LRP1B: variants seen among roughly 807,000 people sequenced by gnomAD.
LRP1B encodes the protein low-density lipoprotein receptor-related protein 1B.
A neutral mutation model predicts 556.6 loss-of-function variants in LRP1B; 217 were observed. That is an observed-to-expected ratio of 0.39 (90% CI 0.35 to 0.44). The LOEUF is 0.44. Ranked by LOEUF, LRP1B falls within the 20% of genes least tolerant of loss-of-function variation. The pLI is 1.00. For synonymous variants in LRP1B, 2,047 were observed against 1,865.8 expected, an observed-to-expected ratio of 1.10 and a Z score of -2.50; for missense variants, 5,053 against 5,620.8, an observed-to-expected ratio of 0.90 and a Z score of 3.23.
intron 7 of LRP1B, among the ~76,000 whole-genome samples, chr2:141,090,172 C>A (rs2104908095): frequency 6.6e-6 from 1 of 152,248 alleles, no homozygotes; most frequent in East Asian, 1.9e-4. Flanking sequence ...TACGTTTCAT[C>A]CTTTTTCAGA....
intron 60 of LRP1B, among the ~76,000 whole-genome samples, chr2:140,465,344 C>G (rs1206884427): frequency 1.3e-5 from 2 of 152,094 alleles, no homozygotes; most frequent in African/African-American, 2.4e-5. Context: ...AAAAAATATC[C>G]AAACTGTATC....
chr2:141,480,296 C>T (rs149090935), intron 3 of LRP1B, 100 bp downstream of exon 3: 2 of 1,223,254 alleles, frequency 1.6e-6, no homozygotes, highest in Non-Finnish European at 2.4e-6. Context: ...AACTGATATG[C>T]TTGTAGTTGA....
intron 2 of LRP1B, among the ~76,000 whole-genome samples, chr2:141,532,922 G>T (rs565812687): frequency 6.6e-6 from 1 of 152,184 alleles, no homozygotes; most frequent in South Asian, 2.1e-4. Context: ...GGAGGCAGAG[G>T]TTGCAGTGAG....
At chr2:141,383,673 CT>C (rs1480035301) in intron 3 of LRP1B, among the ~76,000 whole-genome samples, 2 of 152,082 alleles carry the variant, frequency 1.3e-5, no homozygotes, top group African/African-American at 4.8e-5. Context: ...AGTATTCAGG[CT>C]TTAAAAGGCA....
rs1389686881 is a variant in LRP1B, at chr2:141,752,922, T to C, written c.205+57357A>G. Among the ~76,000 whole-genome samples the C allele has an allele frequency of 8.8e-5, 7 of 79,206 alleles. No homozygotes were observed. The Admixed American group carries it at 1.1e-3, about 13-fold the overall frequency. 52.0% of individuals were successfully genotyped at this position (79,206 alleles called of 152,430 possible). ...TCATGCCACTGAACTCCAGCCTGGG[T>C]GACAGACTGAGACCCTGTCTCAGAA... is the stretch of plus-strand genomic sequence containing the variant. On this transcript the variant is annotated intron_variant, in intron 2 of 90. Coordinates refer to ENST00000389484, the MANE Select transcript of LRP1B (RefSeq NM_018557.3).
At chr2:141,888,799 T>G (rs934152860) in intron 1 of LRP1B, among the ~76,000 whole-genome samples, 1 of 151,842 alleles carries the variant, frequency 6.6e-6, no homozygotes, top group Non-Finnish European at 1.5e-5. Flanking sequence ...AGGACAGGAG[T>G]GAAAAATGAG....
intron 23 of LRP1B, among the ~76,000 whole-genome samples, chr2:140,900,883 G>A (rs79870140): frequency 0.039 from 5,955 of 152,156 alleles, 181 homozygotes; most frequent in South Asian, 0.09. Context: ...GAGCCAGCAC[G>A]TCTCAAAGAA....
rs146889089 is a variant in LRP1B, at chr2:140,587,407, T to G, written c.7194+11224A>C. Reference sequence around the variant, plus strand: ...ACCCAAGACGCATCATAATTTAACTTCTGAAATTGTGATTTGTGACAACAT... The same window carrying G: ...ACCCAAGACGCATCATAATTTAACTGCTGAAATTGTGATTTGTGACAACAT... On this transcript the variant is annotated intron_variant, in intron 43 of 90. Coordinates refer to ENST00000389484, the MANE Select transcript of LRP1B (RefSeq NM_018557.3). Among the ~76,000 whole-genome samples, 325 of 152,304 alleles carry G rather than the reference T, an allele frequency of 2.1e-3. 2 individuals are homozygous for G. Among genetic ancestry groups the G allele is most frequent in the African/African-American group, 7.1e-3 (293 of 41,556 alleles).
intron 1 of LRP1B, among the ~76,000 whole-genome samples, chr2:141,986,181 A>C (rs1463340617): frequency 1.3e-5 from 2 of 152,006 alleles, no homozygotes; most frequent in Non-Finnish European, 2.9e-5. Context: ...CTGGAAATGC[A>C]TAGTGATGTG....
At chr2:140,690,036 A>G (rs1047361956) in intron 41 of LRP1B, among the ~76,000 whole-genome samples, 2 of 152,204 alleles carry the variant, frequency 1.3e-5, no homozygotes, top group African/African-American at 4.8e-5. Context: ...CTGAGTTGAA[A>G]GCAATTGAGA....
chr2:141,010,551 G>A (rs955004251), intron 14 of LRP1B, among the ~76,000 whole-genome samples: 5 of 151,370 alleles, frequency 3.3e-5, no homozygotes. Context: ...GTTTTGCTCT[G>A]TAACTCAGGC....
At position 141,538,981 on chromosome 2, in the gene LRP1B, T is replaced by C. The variant is rs138672771; in HGVS notation, c.206-58448A>G. On this transcript the variant is annotated intron_variant, in intron 2 of 90. Transcript: ENST00000389484. ...GGGACAATTGCTCTGGAAATAAGAT[T>C]TCAGTGTGCACACATGTATATATTC... Among the ~76,000 whole-genome samples the C allele has an allele frequency of 2.6e-3, 402 of 152,280 alleles. 2 individuals are homozygous for C. The highest frequency in any genetic ancestry group is 9.3e-3 in the African/African-American group (385 of 41,566).
intron 90 of LRP1B, among the ~76,000 whole-genome samples, chr2:140,233,741 A>G (rs147953001): frequency 6.6e-6 from 1 of 151,426 alleles, no homozygotes; most frequent in African/African-American, 2.4e-5. Context: ...TTTCAGAAAA[A>G]CATTTGTTTG....
At position 141,610,320 on chromosome 2, in the gene LRP1B, TATAATA is replaced by T. The variant is rs200146418; in HGVS notation, c.206-129793_206-129788del. Among the ~76,000 whole-genome samples, 143 of 144,604 alleles carry T rather than the reference TATAATA, an allele frequency of 9.9e-4. 1 individual carries two copies. The highest frequency in any genetic ancestry group is 3.7e-3 in the Middle Eastern group (1 of 270). 94.9% of individuals were successfully genotyped at this position (144,604 alleles called of 152,430 possible). On this transcript the variant is annotated intron_variant, in intron 2 of 90. Transcript: ENST00000389484. ...TATTATTATACTTTAAAACTTAAAG[TATAATA>T]ATAATAATAATAATAATAAAAAGAA...
At chr2:141,670,143 C>A (rs1401694457) in intron 2 of LRP1B, among the ~76,000 whole-genome samples, 3 of 152,102 alleles carry the variant, frequency 2.0e-5, no homozygotes, top group Non-Finnish European at 4.4e-5. Flanking sequence ...CTGTAGACTG[C>A]ACACATTTTT....
At chr2:141,039,008 T>C (rs952933673) in intron 11 of LRP1B, among the ~76,000 whole-genome samples, 1 of 152,120 alleles carries the variant, frequency 6.6e-6, no homozygotes, top group African/African-American at 2.4e-5. Flanking sequence ...AGTTACTCTT[T>C]GTCAGCCACA....
At chr2:141,701,517 C>A (rs370163792) in intron 2 of LRP1B, among the ~76,000 whole-genome samples, 1 of 151,704 alleles carries the variant, frequency 6.6e-6, no homozygotes, top group Admixed American at 6.6e-5. Flanking sequence ...CACATCTTGA[C>A]GCCATTACTT....
intron 77 of LRP1B, among the ~76,000 whole-genome samples, chr2:140,342,153 C>A (rs1681428113): frequency 6.6e-6 from 1 of 151,144 alleles, no homozygotes; most frequent in Non-Finnish European, 1.5e-5. Context: ...TATAATTATT[C>A]TTTCAACTTT....
At chr2:140,633,336 A>G (rs1683959043) in intron 41 of LRP1B, among the ~76,000 whole-genome samples, 1 of 152,170 alleles carries the variant, frequency 6.6e-6, no homozygotes, top group South Asian at 2.1e-4. Context: ...TGTCTCTTAG[A>G]GGAAAATTTA....
Sources: allele counts gnomAD v4.1 joint callset (sites outside exome capture counted in the v4.1 genomes callset), GRCh38; gene constraint gnomAD v4.1.1; transcripts MANE v1.5; gene names NCBI Gene and HGNC (gene_info 2026-07-23, HGNC 2026-07-21).